Variants in MYO6 observed in about 807,000 individuals in gnomAD.
The protein encoded by MYO6 is unconventional myosin-VI.
A neutral mutation model predicts 178.7 loss-of-function variants in MYO6; 74 were observed. The ratio of observed to expected loss-of-function variants is 0.41; its 90% CI spans 0.34 to 0.50. The LOEUF (loss-of-function observed/expected upper bound fraction) is 0.50. MYO6 is among the 20% of genes least tolerant of loss of function. MYO6 has a pLI of 0.09. For missense variants in MYO6, 1,330 were observed against 1,547.4 expected, an observed-to-expected ratio of 0.86 and a Z score of 2.36; for synonymous variants, 477 against 504.6, an observed-to-expected ratio of 0.95 and a Z score of 0.73.
At chr6:75,794,210 A>G (rs1768545418) in intron 1 of MYO6, among the ~76,000 whole-genome samples, 1 of 152,224 alleles carries the variant, frequency 6.6e-6, no homozygotes, top group Non-Finnish European at 1.5e-5. Flanking sequence ...AGAACATTAA[A>G]TTATAGACCT....
At chr6:75,835,779 C>T (rs1027805366) in intron 6 of MYO6, 122 bp from the exon 7 acceptor site, 1 of 683,366 alleles carries the variant, frequency 1.5e-6, no homozygotes, top group Non-Finnish European at 2.7e-6. Context: ...AGAATAGTTG[C>T]ATTTAATTAC....
chr6:75,758,915 G>A (rs1393021631), intron 1 of MYO6, among the ~76,000 whole-genome samples: 3 of 149,110 alleles, frequency 2.0e-5, no homozygotes, highest in Non-Finnish European at 3.0e-5. Flanking sequence ...TGTTGCCCAC[G>A]CTGGAGTGCA....
intron 30 of MYO6, among the ~76,000 whole-genome samples, chr6:75,904,647 T>C (rs1324359200): frequency 1.3e-5 from 2 of 152,178 alleles, no homozygotes; most frequent in Non-Finnish European, 2.9e-5. Context: ...TTTTCAAAGT[T>C]TTCAACTTCT....
intron 1 of MYO6, among the ~76,000 whole-genome samples, chr6:75,798,164 G>T (rs915157226): frequency 1.3e-5 from 2 of 152,124 alleles, no homozygotes; most frequent in Non-Finnish European, 2.9e-5. Context: ...TTTATATATG[G>T]TGAAAGGTAG....
At chr6:75,866,731 T>C in intron 17 of MYO6, 110 bp downstream of exon 17, 1 of 1,159,238 alleles carries the variant, frequency 8.6e-7, no homozygotes, top group Non-Finnish European at 1.3e-6. Flanking sequence ...TTATTTAAAT[T>C]AAGTAAAATT....
chr6:75,755,286 G>C (rs2748956), intron 1 of MYO6, among the ~76,000 whole-genome samples: 102,798 of 152,010 alleles, frequency 0.68, 38,496 homozygotes, highest in Non-Finnish European at 0.84. Context: ...GGTCAATGTG[G>C]CTACTTAGAA....
chr6:75,875,513 C>T (rs1303002609), intron 20 of MYO6, among the ~76,000 whole-genome samples: 1 of 152,208 alleles, frequency 6.6e-6, no homozygotes, highest in Admixed American at 6.5e-5. Context: ...TCTCAAACTC[C>T]TGGGCTCAAG....
At chr6:75,830,056 C>CT (rs1772919859) in intron 4 of MYO6, among the ~76,000 whole-genome samples, 1 of 152,134 alleles carries the variant, frequency 6.6e-6, no homozygotes, top group South Asian at 2.1e-4. Context: ...TGAGATAGAG[C>CT]TAGAGACTCA....
chr6:75,844,892 C>T lies in MYO6; in HGVS notation c.817-5C>T, dbSNP rs756902662. 3 of 1,604,634 alleles carry T rather than the reference C, an allele frequency of 1.9e-6. No individual in the cohort carries two copies. The highest frequency in any genetic ancestry group is 2.2e-5 in the South Asian group (2 of 90,746). On this transcript the variant is annotated splice_polypyrimidine_tract_variant and splice_region_variant and intron_variant, in intron 9 of 34. Transcript: ENST00000369977. ...GTTAATTATGTTTAATTTGTTTTGT[C>T]ATAGTATTTAAACCGAGGCTGCACT...
chr6:75,753,455 G>GTGTATATATATATATATATATA (rs370647728), intron 1 of MYO6, among the ~76,000 whole-genome samples: 8 of 140,056 alleles, frequency 5.7e-5, no homozygotes, highest in African/African-American at 1.6e-4. Context: ...GTGTGTGTGT[G>GTGTATATATATATATATATATA]TATATATATA....
chr6:75,903,272 G>T lies in MYO6; in HGVS notation c.3177-4333G>T, dbSNP rs1170625961. On this transcript the variant is annotated intron_variant, in intron 30 of 34. Coordinates refer to ENST00000369977, the MANE Select transcript of MYO6 (RefSeq NM_004999.4). ...TGGTGCAGAGCTGAGTTCAATTCCTGGGTATCCTTGTTGACTTTCCGTCTC... is the reference window on the plus strand; with the variant it reads ...TGGTGCAGAGCTGAGTTCAATTCCTTGGTATCCTTGTTGACTTTCCGTCTC... Among the ~76,000 whole-genome samples, 4 of 151,980 alleles carry T rather than the reference G, an allele frequency of 2.6e-5. No homozygotes were observed. The East Asian group carries it at 5.8e-4, about 22-fold the overall frequency.
rs1386507131 is a variant in MYO6 at position 75,916,222 on chromosome 6, T to C, written c.*1210T>C. 1.3e-5 allele frequency: 2 copies of C among 152,204 alleles called. No homozygotes were observed. Among genetic ancestry groups the C allele is most frequent in the African/African-American group, 4.8e-5 (2 of 41,454 alleles). The allele number at this position is 152,204 out of a possible 1,614,324, so 9.4% of individuals were successfully genotyped here. On this transcript the variant is annotated 3_prime_UTR_variant, in exon 35 of 35. Coordinates refer to ENST00000369977, the MANE Select transcript of MYO6 (RefSeq NM_004999.4). ...TTTGTTGTATTTTAGAATAAAATTA[T>C]AAAGTAAAATGATTCTCTGTACTGC...
chr6:75,803,862 A>T (rs1428504657), intron 1 of MYO6, among the ~76,000 whole-genome samples: 1 of 152,002 alleles, frequency 6.6e-6, no homozygotes, highest in Non-Finnish European at 1.5e-5. Flanking sequence ...ATTAACTTGG[A>T]TATATTTTCT....
chr6:75,786,779 A>G (rs1294489708), intron 1 of MYO6, among the ~76,000 whole-genome samples: 2 of 152,182 alleles, frequency 1.3e-5, no homozygotes, highest in Admixed American at 6.6e-5. Flanking sequence ...CACGTCTTGC[A>G]CAACTTTTTT....
Position 75,867,038 on chromosome 6 carries a change from A to T in MYO6, c.1877A>T (p.Asn626Ile), listed in dbSNP as rs775875205. The T allele has an allele frequency of 2.5e-6, 4 of 1,614,056 alleles. No homozygotes were observed. The highest frequency in any genetic ancestry group is 3.4e-6 in the Non-Finnish European group (4 of 1,179,952). The change falls in exon 18 of 35, where the codon AAT becomes ATT. Residue 626 changes from asparagine (N) to isoleucine (I), a missense_variant. Coordinates refer to ENST00000369977, the MANE Select transcript of MYO6 (RefSeq NM_004999.4). The part of the protein sequence containing the change: ...FIRELFESST[N>I]NNKDTKQKAG... ...CGGGAATTATTTGAATCATCCACAAATAACAACAAAGATACTAAACAAAAA... is the reference window on the plus strand; with the variant it reads ...CGGGAATTATTTGAATCATCCACAATTAACAACAAAGATACTAAACAAAAA...
At chr6:75,785,924 A>T (rs1020009067) in intron 1 of MYO6, among the ~76,000 whole-genome samples, 4 of 150,728 alleles carry the variant, frequency 2.7e-5, no homozygotes, top group Non-Finnish European at 5.9e-5. Flanking sequence ...AATTAAAACA[A>T]TTTTTTTTTG....
intron 28 of MYO6, chr6:75,894,856 T>C: frequency 6.8e-7 from 1 of 1,464,928 alleles, no homozygotes; most frequent in East Asian, 2.5e-5. Context: ...AATTGTTTTC[T>C]ATGTATGTCA....
intron 1 of MYO6, among the ~76,000 whole-genome samples, chr6:75,780,165 G>A (rs946590298): frequency 1.4e-4 from 21 of 152,228 alleles, no homozygotes; most frequent in Admixed American, 1.0e-3. Flanking sequence ...ATGTGGCCAG[G>A]CGCAGTGGCT....
At chr6:75,839,562 G>A (rs1774007151) in intron 7 of MYO6, among the ~76,000 whole-genome samples, 1 of 152,148 alleles carries the variant, frequency 6.6e-6, no homozygotes, top group South Asian at 2.1e-4. Context: ...AGCACTTTAA[G>A]TTTGTTGATG....
Sources: allele counts gnomAD v4.1 joint callset (sites outside exome capture counted in the v4.1 genomes callset), GRCh38; gene constraint gnomAD v4.1.1; transcripts MANE v1.5; gene names NCBI Gene and HGNC (gene_info 2026-07-23, HGNC 2026-07-21).